Variants in TYSND1 observed in about 807,000 individuals in gnomAD.
TYSND1 encodes trypsin like peroxisomal matrix peptidase 1, also known as peroxisomal leader peptide-processing protease.
In TYSND1, 30 loss-of-function variants were observed where a neutral mutation model predicts 37.2. The observed-to-expected ratio is 0.81, with a 90% CI of 0.60 to 1.09. TYSND1 has a LOEUF of 1.09. Among genes scored for constraint, TYSND1 ranks in the 50% least tolerant of loss-of-function variants. TYSND1 has a pLI of 0.00. For missense variants in TYSND1, 806 were observed against 817.4 expected (o/e 0.99, Z 0.17); for synonymous variants, 364 against 383.8 (o/e 0.95, Z 0.60).
At chr10:70,140,275 G>A (rs772988518) in intron 3 of TYSND1, 134 bp from the exon 4 acceptor site, 31 of 662,258 alleles carry the variant, frequency 4.7e-5, no homozygotes, top group South Asian at 6.0e-5. Context: ...GGTGACAGAC[G>A]CTGAGCTTCT....
rs1290574138 is a variant in TYSND1, at chr10:70,144,736, C to T, written c.1166+685G>A. 3.0e-6 allele frequency: 3 copies of T among 985,482 alleles called. No individual in the cohort carries two copies. The African/African-American group carries it at 5.2e-5, about 17-fold the overall frequency. 61.0% of individuals were successfully genotyped at this position (985,482 alleles called of 1,614,324 possible). On this transcript the variant is annotated intron_variant, in intron 1 of 3. Transcript: ENST00000287078. ...GGCAAACCTTCATCATCAGTCTTCC[C>T]TATAAAGTCATGGCTGTCCTATAGG...
chr10:70,139,694 T>A lies in TYSND1; in HGVS notation c.*230A>T. 1.9e-6 allele frequency: 1 copy of A among 537,358 alleles called. No individual in the cohort carries two copies. The highest frequency in any genetic ancestry group is 2.5e-5 in the South Asian group (1 of 39,406). The allele number at this position is 537,358 out of a possible 1,614,324, so 33.3% of individuals were successfully genotyped here. A position where few individuals can be genotyped will look rare whatever the true frequency, so the allele number is the denominator to read the frequency against. The stretch of plus-strand genomic sequence containing the variant: ...AGTCTAGTGCTAGGGGACAGAGAAC[T>A]GGGGGCTCAAGAAAGCACCCCAAAA... On this transcript the variant is annotated 3_prime_UTR_variant, in exon 4 of 4. Coordinates refer to ENST00000287078, the MANE Select transcript of TYSND1 (RefSeq NM_173555.4).
intron 1 of TYSND1, chr10:70,144,889 GCCAC>G (rs2072853392): frequency 1.7e-6 from 1 of 589,154 alleles, no homozygotes; most frequent in Admixed American, 6.3e-5. Context: ...AGCTGCGTGG[GCCAC>G]CCCCCTACCT....
At chr10:70,141,060 C>T (rs1028299464) in intron 3 of TYSND1, among the ~76,000 whole-genome samples, 10 of 151,014 alleles carry the variant, frequency 6.6e-5, no homozygotes, top group African/African-American at 2.4e-4. Context: ...TTATAGCTCA[C>T]TGCAACCTCA....
rs867292004 is a variant in TYSND1, at chr10:70,145,524, C to A, written c.1063G>T (p.Val355Leu). The A allele has an allele frequency of 6.6e-7, 1 of 1,521,928 alleles. No homozygotes were observed. Among genetic ancestry groups the A allele is most frequent in the East Asian group, 2.7e-5 (1 of 37,328 alleles). The allele number at this position is 1,521,928 out of a possible 1,614,324, so 94.3% of individuals were successfully genotyped here. Residue 355 changes from valine (V) to leucine (L), a missense_variant, in exon 1 of 4, where the codon GTA becomes TTA. Around this residue, in one of 3 missense-constraint regions of TYSND1, gnomAD observed 708 missense variants for 705.4 expected, o/e 1.00. Coordinates refer to ENST00000287078, the MANE Select transcript of TYSND1 (RefSeq NM_173555.4). ...GCCACAGCCACTCCGGAGCCCCATA[C>A]GGTGCCGCACTCCACCAACACTGCC... ...AAAVLVECGTVWGSGVAVAPR... is the reference protein window; with the variant it reads ...AAAVLVECGTLWGSGVAVAPR...
In TYSND1 at chr10:70,146,563, G is replaced by A; in HGVS notation, c.24C>T (p.Ala8=). MRRQWGS[A]MRAAEQAGCM... Reference sequence around the variant, plus strand: ...AGCCCGCCTGCTCGGCCGCCCTCATGGCAGACCCCCACTGCCTTCTCATGG... The same window carrying A: ...AGCCCGCCTGCTCGGCCGCCCTCATAGCAGACCCCCACTGCCTTCTCATGG... Residue 8 remains alanine (A), a synonymous_variant, in exon 1 of 4, where the codon GCC becomes GCT. Transcript: ENST00000287078. 1.3e-6 allele frequency: 2 copies of A among 1,572,988 alleles called. No individual in the cohort carries two copies. Among genetic ancestry groups the A allele is most frequent in the Non-Finnish European group, 1.7e-6 (2 of 1,167,830 alleles).
intron 1 of TYSND1, 53 bp from the exon 2 acceptor site, chr10:70,144,025 G>A (rs577691318): frequency 6.2e-7 from 1 of 1,609,126 alleles, no homozygotes; most frequent in East Asian, 2.2e-5. Context: ...CTCAGTACTT[G>A]GGAGAAATCA....
In TYSND1 at chr10:70,139,743, T is replaced by C. The variant is rs2072729728; in HGVS notation, c.*181A>G. On this transcript the variant is annotated 3_prime_UTR_variant, in exon 4 of 4. Coordinates refer to ENST00000287078, the MANE Select transcript of TYSND1 (RefSeq NM_173555.4). The stretch of plus-strand genomic sequence containing the variant: ...AACGGGCTGCCAGGTTAAGGATCCA[T>C]GGGGCTGAAGAGAAGTTTGCCCCAG... 15 of 605,976 alleles carry C rather than the reference T, an allele frequency of 2.5e-5. No homozygotes were observed. The highest frequency in any genetic ancestry group is 2.1e-4 in the South Asian group (10 of 47,036). The allele number at this position is 605,976 out of a possible 1,614,324, so 37.5% of individuals were successfully genotyped here.
At chr10:70,145,218 C>G (rs775731486) in intron 1 of TYSND1, among the ~76,000 whole-genome samples, 120 of 152,306 alleles carry the variant, frequency 7.9e-4, no homozygotes, top group Middle Eastern at 3.4e-3. Flanking sequence ...AGAGCTGCTT[C>G]GAGCTTGACA....
intron 3 of TYSND1, 87 bp from the exon 4 acceptor site, chr10:70,140,228 C>G (rs778112881): frequency 1.1e-5 from 13 of 1,143,322 alleles, no homozygotes; most frequent in Non-Finnish European, 1.6e-5. Flanking sequence ...CACCCTGGAG[C>G]CCCCAGGGCC....
At chr10:70,145,305 C>A (rs1589866105) in intron 1 of TYSND1, 116 bp downstream of exon 1, 3 of 1,037,994 alleles carry the variant, frequency 2.9e-6, no homozygotes, top group Non-Finnish European at 3.8e-6. Context: ...ACCCACTACA[C>A]GCCCAAAGCA....
At chr10:70,144,810 G>A (rs991192519) in intron 1 of TYSND1, 2 of 985,078 alleles carry the variant, frequency 2.0e-6, no homozygotes, top group African/African-American at 1.7e-5. Context: ...ACCCACACCT[G>A]GCTAAGCTTG....
rs1354681334 is a variant in TYSND1 at position 70,138,496 on chromosome 10, G to A, written c.*1428C>T. ...CTCCGCCCACAGCCGCCCCTCACAG[G>A]GCTTTCAGCCTGCCAGTAGAAATCA... is the stretch of plus-strand genomic sequence containing the variant. On this transcript the variant is annotated 3_prime_UTR_variant, in exon 4 of 4. Transcript: ENST00000287078. 6.6e-6 allele frequency: 1 copy of A among 152,294 alleles called. No homozygotes were observed. Among genetic ancestry groups the A allele is most frequent in the Non-Finnish European group, 1.5e-5 (1 of 68,192 alleles). 9.4% of individuals were successfully genotyped at this position (152,294 alleles called of 1,614,324 possible). A position where few individuals can be genotyped will look rare whatever the true frequency, so the allele number is the denominator to read the frequency against.
At position 70,146,251 on chromosome 10, in the gene TYSND1, G is replaced by A; in HGVS notation, c.336C>T (p.Ser112=). 1.3e-6 allele frequency: 2 copies of A among 1,482,144 alleles called. No homozygotes were observed. Among genetic ancestry groups the A allele is most frequent in the Non-Finnish European group, 1.8e-6 (2 of 1,124,192 alleles). The allele number at this position is 1,482,144 out of a possible 1,614,324, so 91.8% of individuals were successfully genotyped here. ...RPGLCTPQCA[S]LEPGPPAPSR... ...ACGGGGCAGGTGGGCCGGGCTCGAG[G>A]CTCGCGCACTGGGGCGTGCACAGCC... The change falls in exon 1 of 4, where the codon AGC becomes AGT. Residue 112 remains serine (S), a synonymous_variant. Coordinates refer to ENST00000287078, the MANE Select transcript of TYSND1 (RefSeq NM_173555.4).
Position 70,138,081 on chromosome 10 carries a change from C to T in TYSND1, c.*1843G>A, listed in dbSNP as rs772187630. ...GGAAGGGGAAGGAGTGCAGAGCTTCCGTGCCCTCCCTGGGCACGCCACACT... is the reference window on the plus strand; with the variant it reads ...GGAAGGGGAAGGAGTGCAGAGCTTCTGTGCCCTCCCTGGGCACGCCACACT... On this transcript the variant is annotated 3_prime_UTR_variant, in exon 4 of 4. Coordinates refer to ENST00000287078, the MANE Select transcript of TYSND1 (RefSeq NM_173555.4). 3.3e-5 allele frequency: 5 copies of T among 152,196 alleles called. No homozygotes were observed. The highest frequency in any genetic ancestry group is 4.8e-5 in the African/African-American group (2 of 41,434). 9.4% of individuals were successfully genotyped at this position (152,196 alleles called of 1,614,324 possible).
chr10:70,143,682 C>A (rs1412221789), intron 2 of TYSND1, among the ~76,000 whole-genome samples, 160 bp downstream of exon 2: 1 of 152,234 alleles, frequency 6.6e-6, no homozygotes, highest in Non-Finnish European at 1.5e-5. Context: ...CTTCCCAGGG[C>A]ACTCCATGTG....
At chr10:70,141,902 C>T (rs569471775) in intron 3 of TYSND1, among the ~76,000 whole-genome samples, 18 of 152,080 alleles carry the variant, frequency 1.2e-4, no homozygotes, top group Non-Finnish European at 1.9e-4. Flanking sequence ...ATATTACTTA[C>T]GGCTCCAATA....
At position 70,145,658 on chromosome 10, in the gene TYSND1, AGCGCGTCGC is replaced by A; in HGVS notation, c.920_928del (p.Arg307_Ala309del). ...AGCGGTGCTGTGCGGCAGGCGGTGA[AGCGCGTCGC>A]GGGCGGCGCGGAAAAGGGGGGCGGC... On this transcript the variant is annotated inframe_deletion, in exon 1 of 4. Transcript: ENST00000287078. 1.4e-6 allele frequency: 2 copies of A among 1,392,156 alleles called. No homozygotes were observed. Among genetic ancestry groups the A allele is most frequent in the Non-Finnish European group, 1.8e-6 (2 of 1,082,688 alleles). 86.2% of individuals were successfully genotyped at this position (1,392,156 alleles called of 1,614,324 possible). A position where few individuals can be genotyped will look rare whatever the true frequency, so the allele number is the denominator to read the frequency against.
rs1255697593 is a variant in TYSND1 at position 70,145,862 on chromosome 10, A to T, written c.725T>A (p.Val242Glu). 2 of 1,543,726 alleles carry T rather than the reference A, an allele frequency of 1.3e-6. No homozygotes were observed. Among genetic ancestry groups the T allele is most frequent in the Non-Finnish European group, 1.7e-6 (2 of 1,144,280 alleles). Residue 242 changes from valine to glutamate, a missense_variant, in exon 1 of 4, where the codon GTG becomes GAG. By Grantham distance (121) the Val-to-Glu change is moderately radical. Coordinates refer to ENST00000287078, the MANE Select transcript of TYSND1 (RefSeq NM_173555.4). ...CAGTGGGCCGGCCACGTTGCTGAGC[A>T]CCCCGCAGCTCAGCGTGTTGAGAAA... ...DIFLNTLSCG[V>E]LSNVAGPLLL... is the part of the protein sequence containing the mutation.
Sources: gnomAD v4.1 joint callset for allele counts (sites outside exome capture counted in the v4.1 genomes callset) on GRCh38, gnomAD v4.1.1 for gene constraint, gnomAD v4.1.1 regional missense constraint, MANE v1.5 for transcripts, NCBI Gene and HGNC (gene_info 2026-07-23, HGNC 2026-07-21) for gene names.